HIBADH: variants seen among roughly 807,000 people sequenced by gnomAD.
HIBADH encodes 3-hydroxyisobutyrate dehydrogenase, mitochondrial.
A neutral mutation model predicts 36.1 loss-of-function variants in HIBADH; 25 were observed. The ratio of observed to expected loss-of-function variants is 0.69; its 90% CI spans 0.50 to 0.97. The LOEUF is 0.97. Ranked by LOEUF, HIBADH falls within the 50% of genes least tolerant of loss-of-function variation. The pLI, the probability that HIBADH is intolerant of heterozygous loss-of-function variation, is 0.00. For missense variants in HIBADH, 421 were observed against 418.0 expected (o/e 1.01, Z -0.06); for synonymous variants, 160 against 149.5 (o/e 1.07, Z -0.51).
At chr7:27,623,561 T>C (rs1424007469) in intron 4 of HIBADH, among the ~76,000 whole-genome samples, 1 of 152,114 alleles carries the variant, frequency 6.6e-6, no homozygotes, top group South Asian at 2.1e-4. Context: ...AGTTATAGGA[T>C]ACAAAATCAA....
intron 4 of HIBADH, among the ~76,000 whole-genome samples, chr7:27,629,162 T>C (rs16874321): frequency 0.034 from 5,094 of 152,050 alleles, 264 homozygotes; most frequent in African/African-American, 0.12. Flanking sequence ...TTCAAAGTTA[T>C]GACACTTTTT....
chr7:27,653,913 G>C (rs1202437087), intron 1 of HIBADH, among the ~76,000 whole-genome samples: 2 of 152,150 alleles, frequency 1.3e-5, no homozygotes, highest in East Asian at 3.9e-4. Context: ...AAGCCCAAGG[G>C]AACGTGTATA....
intron 1 of HIBADH, among the ~76,000 whole-genome samples, chr7:27,658,262 C>G (rs924489042): frequency 6.6e-6 from 1 of 151,986 alleles, no homozygotes; most frequent in Non-Finnish European, 1.5e-5. Flanking sequence ...GACAGTAGTG[C>G]GTGGAAAAAG....
intron 4 of HIBADH, among the ~76,000 whole-genome samples, chr7:27,595,759 G>GT (rs933461942): frequency 1.3e-5 from 2 of 152,044 alleles, no homozygotes; most frequent in Non-Finnish European, 2.9e-5. Context: ...CTGGCAAACT[G>GT]TAAGTACTCA....
At chr7:27,553,537 A>G (rs909622784) in intron 4 of HIBADH, among the ~76,000 whole-genome samples, 2 of 152,216 alleles carry the variant, frequency 1.3e-5, no homozygotes, top group African/African-American at 4.8e-5. Context: ...TTCCGCATGG[A>G]GCTGGCTGGC....
chr7:27,527,917 C>CTTCTTTTTTTT (rs1562609863), intron 7 of HIBADH, among the ~76,000 whole-genome samples: 1 of 77,026 alleles, frequency 1.3e-5, no homozygotes, highest in Non-Finnish European at 2.4e-5. Flanking sequence ...CCACACCCAG[C>CTTCTTTTTTTT]GTTTTTTTTT....
chr7:27,662,838 C>G lies in HIBADH; in HGVS notation c.-50G>C, dbSNP rs1052286978. On this transcript the variant is annotated 5_prime_UTR_variant, in exon 1 of 8. Transcript: ENST00000265395. ...GTGACCTCCGCCGCCTCCCGGAGGG[C>G]CCACAGACTGCGAGCGTGTGCAGCG... 1 of 1,365,198 alleles carries G rather than the reference C, an allele frequency of 7.3e-7. No homozygotes were observed. The allele number at this position is 1,365,198 out of a possible 1,614,324, so 84.6% of individuals were successfully genotyped here. A position where few individuals can be genotyped will look rare whatever the true frequency, so the allele number is the denominator to read the frequency against.
chr7:27,639,467 T>C (rs936796858), intron 2 of HIBADH, among the ~76,000 whole-genome samples: 1 of 151,908 alleles, frequency 6.6e-6, no homozygotes. Context: ...AGGGTGAGGA[T>C]CAAAAAACTA....
Position 27,652,312 on chromosome 7 carries a change from T to TA in HIBADH, c.92-2680dup, listed in dbSNP as rs544612952. On this transcript the variant is annotated intron_variant, in intron 1 of 7. Transcript: ENST00000265395. ...AAACAAAACAGCAAGAGATTAAGAT[T>TA]AAAAAAAAAATGCAACCATAATGTG... is the stretch of plus-strand genomic sequence containing the variant. Among the ~76,000 whole-genome samples, 394 of 149,784 alleles carry TA rather than the reference T, an allele frequency of 2.6e-3. 4 individuals carry two copies. The highest frequency in any genetic ancestry group is 0.026 in the South Asian group (121 of 4,732).
rs528525224 is a variant in HIBADH, at chr7:27,536,249, C to T, written c.695+2092G>A. On this transcript the variant is annotated intron_variant, in intron 6 of 7. Coordinates refer to ENST00000265395, the MANE Select transcript of HIBADH (RefSeq NM_152740.4). ...GGGTCTTTAAACCACTGAGAATCTT[C>T]GTAAGATAAAGTGATAAAATCCTCA... 1.2e-4 allele frequency among the ~76,000 whole-genome samples: 18 copies of T among 151,956 alleles called. No homozygotes were observed. The South Asian group carries it at 3.1e-3, about 26-fold the overall frequency.
intron 1 of HIBADH, among the ~76,000 whole-genome samples, chr7:27,651,936 T>C (rs558919694): frequency 6.6e-6 from 1 of 152,250 alleles, no homozygotes; most frequent in South Asian, 2.1e-4. Context: ...GGGTAGGATT[T>C]CAAATGGATA....
intron 2 of HIBADH, among the ~76,000 whole-genome samples, chr7:27,648,921 A>G (rs951547444): frequency 6.6e-6 from 1 of 152,202 alleles, no homozygotes. Flanking sequence ...GTGCTGCCAT[A>G]TGATGTTTTC....
intron 4 of HIBADH, among the ~76,000 whole-genome samples, chr7:27,614,286 A>G (rs1246514248): frequency 6.6e-6 from 1 of 152,210 alleles, no homozygotes; most frequent in Non-Finnish European, 1.5e-5. Context: ...ATATTACAAT[A>G]CAACATTTTA....
intron 2 of HIBADH, among the ~76,000 whole-genome samples, chr7:27,646,771 T>C (rs1251833489): frequency 1.3e-5 from 2 of 148,368 alleles, no homozygotes; most frequent in Non-Finnish European, 3.0e-5. Context: ...TCTCGGCTTA[T>C]TGCAACCTCC....
intron 4 of HIBADH, among the ~76,000 whole-genome samples, chr7:27,617,687 C>A (rs560762876): frequency 6.6e-6 from 1 of 152,136 alleles, no homozygotes; most frequent in African/African-American, 2.4e-5. Context: ...TACAGGAAAA[C>A]GGTAAGTAAA....
At chr7:27,547,514 G>A (rs2128184999) in intron 4 of HIBADH, among the ~76,000 whole-genome samples, 1 of 152,176 alleles carries the variant, frequency 6.6e-6, no homozygotes, top group East Asian at 1.9e-4. Flanking sequence ...ACTAGCTCTA[G>A]TACATAAGAG....
chr7:27,614,827 A>G (rs1385606819), intron 4 of HIBADH, among the ~76,000 whole-genome samples: 1 of 152,134 alleles, frequency 6.6e-6, no homozygotes, highest in Non-Finnish European at 1.5e-5. Flanking sequence ...GGTGGATCTC[A>G]ATCAGGAAAG....
rs141780801 is a variant in HIBADH at position 27,566,418 on chromosome 7, C to A, written c.485-23318G>T. ...TTCATTTACACTGCAAAATTTATGT[C>A]AATTGAGTTCCTTACAGTGCTCCAT... is the stretch of plus-strand genomic sequence containing the variant. On this transcript the variant is annotated intron_variant, in intron 4 of 7. Transcript: ENST00000265395. 4.4e-4 allele frequency among the ~76,000 whole-genome samples: 66 copies of A among 151,340 alleles called. No individual in the cohort carries two copies. The East Asian group carries it at 0.011, about 26-fold the overall frequency.
In HIBADH at chr7:27,649,662, G is replaced by A. The variant is rs149858502; in HGVS notation, c.92-29C>T. On this transcript the variant is annotated intron_variant, in intron 1 of 7. Transcript: ENST00000265395. ...ATTTCAATACATTATTTTCAATAGGGGCAAATAACATTTTTTATTGTAAAC... is the reference window on the plus strand; with the variant it reads ...ATTTCAATACATTATTTTCAATAGGAGCAAATAACATTTTTTATTGTAAAC... The A allele has an allele frequency of 6.2e-4, 933 of 1,495,722 alleles. 9 individuals are homozygous for A. The African/African-American group carries it at 0.012, about 19-fold the overall frequency. 92.7% of individuals were successfully genotyped at this position (1,495,722 alleles called of 1,614,324 possible).
Sources: gnomAD v4.1 joint callset for allele counts (sites outside exome capture counted in the v4.1 genomes callset) on GRCh38, gnomAD v4.1.1 for gene constraint, MANE v1.5 for transcripts, NCBI Gene and HGNC (gene_info 2026-07-23, HGNC 2026-07-21) for gene names.